Variants in SH3KBP1 observed in about 807,000 individuals in gnomAD.
SH3KBP1 encodes the protein SH3 domain containing kinase binding protein 1, also known as SH3 domain-containing kinase-binding protein 1.
A neutral mutation model predicts 50.1 loss-of-function variants in SH3KBP1; 8 were observed. The observed-to-expected ratio is 0.16, with a 90% CI of 0.09 to 0.29. The LOEUF is 0.29. Ranked by LOEUF, SH3KBP1 falls within the 10% of genes least tolerant of loss-of-function variation. The pLI is 1.00. For synonymous variants in SH3KBP1, 227 were observed against 218.6 expected (o/e 1.04, Z -0.34); for missense variants, 377 against 535.2 (o/e 0.70, Z 2.92).
chrX:19,629,714 G>A (rs538084004), intron 8 of SH3KBP1, among the ~76,000 whole-genome samples: 27 of 112,400 alleles, frequency 2.4e-4, no homozygotes, highest in Admixed American at 2.3e-3. Flanking sequence ...CTAGGCCTGA[G>A]GAGTTGGATC....
At chrX:19,850,038 A>T (rs2068463595) in intron 1 of SH3KBP1, among the ~76,000 whole-genome samples, 1 of 112,229 alleles carries the variant, frequency 8.9e-6, no homozygotes, top group Admixed American at 9.5e-5. Context: ...ACTATTTCAC[A>T]AATGATTCAG....
At chrX:19,839,355 T>A (rs2068158927) in intron 1 of SH3KBP1, among the ~76,000 whole-genome samples, 1 of 107,197 alleles carries the variant, frequency 9.3e-6, no homozygotes, top group Non-Finnish European at 1.9e-5. Context: ...TTTTTTTTTT[T>A]AGACAGGGTC....
intron 4 of SH3KBP1, among the ~76,000 whole-genome samples, chrX:19,705,341 C>G (rs1569430382): frequency 8.9e-6 from 1 of 111,947 alleles, no homozygotes; most frequent in East Asian, 2.8e-4. Flanking sequence ...GCTGGACTAG[C>G]TTCAAATCGT....
intron 12 of SH3KBP1, among the ~76,000 whole-genome samples, chrX:19,581,853 T>TA (rs35059308): frequency 0.033 from 2,522 of 75,577 alleles, 102 homozygotes; most frequent in African/African-American, 0.1. Context: ...ACTACAGGTT[T>TA]AAAAAAAAAA....
chrX:19,649,004 A>G (rs189194166), intron 6 of SH3KBP1, among the ~76,000 whole-genome samples: 155 of 112,044 alleles, frequency 1.4e-3, no homozygotes, highest in African/African-American at 4.9e-3. Context: ...TATCTCATGG[A>G]TAACTGAAGG....
At chrX:19,593,904 C>T (rs1375196490) in intron 10 of SH3KBP1, among the ~76,000 whole-genome samples, 5 of 111,942 alleles carry the variant, frequency 4.5e-5, no homozygotes, top group African/African-American at 1.6e-4. Flanking sequence ...AATGAAACTG[C>T]TCAATGCAAA....
chrX:19,689,105 G>A (rs2063229613), intron 5 of SH3KBP1, among the ~76,000 whole-genome samples: 1 of 112,222 alleles, frequency 8.9e-6, no homozygotes, highest in East Asian at 2.8e-4. Flanking sequence ...TTTGACCGAT[G>A]CATTCTATCC....
chrX:19,560,807 T>C (rs965875461), intron 13 of SH3KBP1, among the ~76,000 whole-genome samples: 2 of 110,898 alleles, frequency 1.8e-5, no homozygotes, highest in Non-Finnish European at 3.8e-5. Flanking sequence ...CCAGGTGCAA[T>C]GACTCATGCC....
intron 3 of SH3KBP1, among the ~76,000 whole-genome samples, chrX:19,722,621 C>T (rs1370361991): frequency 9.7e-6 from 1 of 103,578 alleles, no homozygotes; most frequent in Non-Finnish European, 2.0e-5. Context: ...TGTGTCCGTC[C>T]CCAGTGCCTG....
chrX:19,548,740 C>G (rs1259980161), intron 14 of SH3KBP1, among the ~76,000 whole-genome samples: 1 of 109,789 alleles, frequency 9.1e-6, no homozygotes, highest in African/African-American at 3.3e-5. Flanking sequence ...GGGAAACCTG[C>G]AAAAGGTTAA....
intron 3 of SH3KBP1, among the ~76,000 whole-genome samples, chrX:19,740,521 C>T (rs2064736150): frequency 1.8e-5 from 2 of 112,161 alleles, no homozygotes; most frequent in African/African-American, 6.5e-5. Context: ...TCCATAAACA[C>T]CAGCTCCTTA....
At chrX:19,844,466 T>C (rs2068308518) in intron 1 of SH3KBP1, among the ~76,000 whole-genome samples, 1 of 112,361 alleles carries the variant, frequency 8.9e-6, no homozygotes, top group East Asian at 2.8e-4. Flanking sequence ...ACATGACCAG[T>C]TGGCCACAAA....
chrX:19,561,815 CTT>C (rs769428738), intron 13 of SH3KBP1, among the ~76,000 whole-genome samples: 30 of 95,984 alleles, frequency 3.1e-4, no homozygotes, highest in African/African-American at 4.2e-4. Flanking sequence ...AATTGAAAGC[CTT>C]TTTTTTTTTT....
chrX:19,723,984 C>T (rs781777475), intron 3 of SH3KBP1, among the ~76,000 whole-genome samples: 2 of 111,586 alleles, frequency 1.8e-5, no homozygotes, highest in Non-Finnish European at 3.8e-5. Flanking sequence ...TCTATTTATT[C>T]GAAGCAGATA....
chrX:19,804,127 G>A (rs2066963291), intron 2 of SH3KBP1, among the ~76,000 whole-genome samples: 1 of 111,366 alleles, frequency 9.0e-6, no homozygotes, highest in African/African-American at 3.3e-5. Context: ...GGCTAAGATC[G>A]CGCCACCGCA....
chrX:19,618,635 T>C (rs1346653039), intron 8 of SH3KBP1, among the ~76,000 whole-genome samples: 1 of 111,916 alleles, frequency 8.9e-6, no homozygotes, highest in Non-Finnish European at 1.9e-5. Flanking sequence ...TAGCCTTTTT[T>C]CTAATTGTGG....
rs150876116 is a variant in SH3KBP1 at position 19,837,146 on chromosome X, G to A, written c.5-864C>T. ...AACACCCATCTTGCAGCAACAACAC[G>A]TGTAAAGACAGGTGGCATAGAGGGC... On this transcript the variant is annotated intron_variant, in intron 1 of 17. Coordinates refer to ENST00000397821, the MANE Select transcript of SH3KBP1 (RefSeq NM_031892.3). Among the ~76,000 whole-genome samples the A allele has an allele frequency of 6.1e-3, 679 of 112,219 alleles. 2 individuals carry two copies. The highest frequency in any genetic ancestry group is 9.5e-3 in the African/African-American group (295 of 30,923).
intron 9 of SH3KBP1, among the ~76,000 whole-genome samples, chrX:19,606,731 G>T (rs113771248): frequency 0.038 from 4,202 of 111,817 alleles, 91 homozygotes; most frequent in Non-Finnish European, 0.061. Flanking sequence ...CATGTCTGGG[G>T]TGGGGTCTGA....
chrX:19,729,737 G>C (rs370238023), intron 3 of SH3KBP1, among the ~76,000 whole-genome samples: 24 of 111,279 alleles, frequency 2.2e-4, no homozygotes, highest in East Asian at 2.0e-3. Flanking sequence ...AGGATGGAGA[G>C]AGAGTCAGAG....
Sources: allele counts gnomAD v4.1 joint callset (sites outside exome capture counted in the v4.1 genomes callset), GRCh38; gene constraint gnomAD v4.1.1; transcripts MANE v1.5; gene names NCBI Gene and HGNC (gene_info 2026-07-23, HGNC 2026-07-21).